ACYP2: variants seen among roughly 807,000 people sequenced by gnomAD.
ACYP2 encodes acylphosphatase-2.
Under a neutral mutation model 11.2 loss-of-function variants are expected in ACYP2, and 12 were observed. The ratio of observed to expected loss-of-function variants is 1.08; its 90% CI spans 0.69 to 1.74. The LOEUF is 1.74. Among genes scored for constraint, ACYP2 ranks in the 40% most tolerant of loss-of-function variants. ACYP2 has a pLI of 0.00. For missense variants in ACYP2, 134 were observed against 101.9 expected (o/e 1.31, Z -1.35); for synonymous variants, 43 against 32.2 (o/e 1.33, Z -1.13).
At chr2:54,119,707 G>C (rs528167818) in intron 4 of ACYP2, among the ~76,000 whole-genome samples, 2 of 152,220 alleles carry the variant, frequency 1.3e-5, no homozygotes, top group African/African-American at 4.8e-5. Context: ...TGTGTTGTTA[G>C]TATAGGGACC....
chr2:54,050,143 C>G (rs1675762756), intron 2 of ACYP2, among the ~76,000 whole-genome samples: 1 of 151,852 alleles, frequency 6.6e-6, no homozygotes, highest in African/African-American at 2.4e-5. Context: ...CTTTTTTTTC[C>G]TTAGGACCTC....
chr2:53,985,741 G>T (rs1320499381), intron 2 of ACYP2, among the ~76,000 whole-genome samples: 3 of 152,150 alleles, frequency 2.0e-5, no homozygotes, highest in Non-Finnish European at 4.4e-5. Flanking sequence ...GGTCATGGGG[G>T]AGGATCCCTC....
rs59874821 is a variant in ACYP2, at chr2:54,201,636, C to CTTTCTTTGTTTCTTTTTCTT, written c.404+62889_404+62890insTTCTTTGTTTCTTTTTCTTT. ...TCTTTCTTTCTTTGTTTCTTTCTTT[C>CTTTCTTTGTTTCTTTTTCTT]TCTTTCTTTCTTTCTTTCTTTCTTT... On this transcript the variant is annotated intron_variant, in intron 6 of 6. Coordinates refer to ENST00000607452, the MANE Select transcript of ACYP2 (RefSeq NM_001320586.2). Among the ~76,000 whole-genome samples, 119 of 93,692 alleles carry CTTTCTTTGTTTCTTTTTCTT rather than the reference C, an allele frequency of 1.3e-3. 5 individuals are homozygous for CTTTCTTTGTTTCTTTTTCTT. Among genetic ancestry groups the CTTTCTTTGTTTCTTTTTCTT allele is most frequent in the East Asian group, 6.8e-3 (21 of 3,106 alleles). The allele number at this position is 93,692 out of a possible 152,430, so 61.5% of individuals were successfully genotyped here.
intron 6 of ACYP2, among the ~76,000 whole-genome samples, chr2:54,184,224 C>T (rs971552374): frequency 3.9e-5 from 6 of 152,012 alleles, no homozygotes; most frequent in Non-Finnish European, 8.8e-5. Flanking sequence ...GAACTCAGGG[C>T]CAGACATACA....
chr2:54,066,622 T>C (rs745919829), intron 4 of ACYP2, among the ~76,000 whole-genome samples: 6 of 152,212 alleles, frequency 3.9e-5, no homozygotes, highest in South Asian at 2.1e-4. Context: ...TCCCTTATTA[T>C]GTGTTCCCTC....
chr2:54,187,351 G>T (rs1684057011), intron 6 of ACYP2, among the ~76,000 whole-genome samples: 1 of 152,230 alleles, frequency 6.6e-6, no homozygotes, highest in African/African-American at 2.4e-5. Context: ...GAACCCAGGA[G>T]TGGTCTGTAC....
chr2:54,258,451 T>C (rs1461535959), intron 6 of ACYP2, among the ~76,000 whole-genome samples: 1 of 152,158 alleles, frequency 6.6e-6, no homozygotes, highest in Admixed American at 6.5e-5. Flanking sequence ...GCACAGTGAA[T>C]GAGGGAGGCT....
chr2:54,137,118 T>C (rs1877907), intron 5 of ACYP2, among the ~76,000 whole-genome samples: 73,924 of 151,980 alleles, frequency 0.49, 18,159 homozygotes, highest in African/African-American at 0.52. Flanking sequence ...TAAAAGACTA[T>C]TAATAATAAT....
chr2:54,007,138 C>CAAAAA (rs70944145), intron 2 of ACYP2, among the ~76,000 whole-genome samples: 108 of 52,102 alleles, frequency 2.1e-3, no homozygotes, highest in East Asian at 8.8e-3. Flanking sequence ...GACTCTGTGT[C>CAAAAA]AAAAAAAAAA....
At chr2:54,054,871 G>C (rs1676037233) in intron 3 of ACYP2, among the ~76,000 whole-genome samples, 1 of 152,172 alleles carries the variant, frequency 6.6e-6, no homozygotes, top group Non-Finnish European at 1.5e-5. Context: ...TTACTTTAGA[G>C]ATAAGAAAGC....
intron 2 of ACYP2, among the ~76,000 whole-genome samples, chr2:53,995,488 T>TTTTTA (rs1553350325): frequency 6.9e-6 from 1 of 145,070 alleles, no homozygotes; most frequent in Non-Finnish European, 1.5e-5. Flanking sequence ...TTTATTTATT[T>TTTTTA]TTTATTTATT....
At chr2:54,021,455 A>G (rs567548641) in intron 2 of ACYP2, among the ~76,000 whole-genome samples, 55 of 152,354 alleles carry the variant, frequency 3.6e-4, no homozygotes, top group African/African-American at 1.1e-3. Context: ...TTAACAATTT[A>G]CAGTCTAAAA....
intron 6 of ACYP2, among the ~76,000 whole-genome samples, chr2:54,190,754 C>G (rs929263890): frequency 8.5e-5 from 13 of 152,080 alleles, no homozygotes; most frequent in African/African-American, 2.9e-4. Context: ...ATGTTTATAT[C>G]TAGACCTGAA....
At chr2:53,989,637 C>A (rs1172710569) in intron 2 of ACYP2, among the ~76,000 whole-genome samples, 1 of 152,160 alleles carries the variant, frequency 6.6e-6, no homozygotes, top group Non-Finnish European at 1.5e-5. Context: ...ATGAGATTCA[C>A]CCTCTACTAA....
intron 6 of ACYP2, among the ~76,000 whole-genome samples, chr2:54,252,526 G>GTTATT (rs553183256): frequency 7.7e-4 from 117 of 152,012 alleles, no homozygotes; most frequent in African/African-American, 2.8e-3. Context: ...TGGTATCTCT[G>GTTATT]TTATTTTCAA....
intron 4 of ACYP2, among the ~76,000 whole-genome samples, chr2:54,070,270 CAAAAAA>C: frequency 1.1e-5 from 1 of 89,912 alleles, no homozygotes; most frequent in East Asian, 2.5e-4. Context: ...AAGTCCATCT[CAAAAAA>C]AAAAAAAAAA....
intron 6 of ACYP2, chr2:54,255,879 A>G (rs1228607763): frequency 6.2e-7 from 1 of 1,614,046 alleles, no homozygotes; most frequent in South Asian, 1.1e-5. Context: ...CGGGTGGTGG[A>G]GTCACTTCCT....
At chr2:53,983,893 A>G (rs367954647) in intron 2 of ACYP2, among the ~76,000 whole-genome samples, 2 of 152,220 alleles carry the variant, frequency 1.3e-5, no homozygotes, top group African/African-American at 4.8e-5. Flanking sequence ...TGATAGGAAC[A>G]CAGAAAATGT....
intron 4 of ACYP2, among the ~76,000 whole-genome samples, chr2:54,122,812 C>T (rs1054461965): frequency 6.6e-6 from 1 of 152,188 alleles, no homozygotes; most frequent in Admixed American, 6.5e-5. Context: ...GCTCACCTTC[C>T]TCCCAAGGCT....
Sources: gnomAD v4.1 joint callset for allele counts (sites outside exome capture counted in the v4.1 genomes callset) on GRCh38, gnomAD v4.1.1 for gene constraint, MANE v1.5 for transcripts, NCBI Gene and HGNC (gene_info 2026-07-23, HGNC 2026-07-21) for gene names.